EPHA6: variants seen among roughly 807,000 people sequenced by gnomAD.
The protein encoded by EPHA6 is EPH receptor A6, also known as ephrin type-A receptor 6.
Under a neutral mutation model 112.0 loss-of-function variants are expected in EPHA6, and 50 were observed. The observed-to-expected ratio is 0.45, with a 90% CI of 0.36 to 0.56. EPHA6 has a LOEUF of 0.56. Among genes scored for constraint, EPHA6 ranks in the 20% least tolerant of loss-of-function variants. The pLI is 0.00. For synonymous variants in EPHA6, 529 were observed against 490.7 expected (o/e 1.08, Z -1.03); for missense variants, 1,280 against 1,417.4 (o/e 0.90, Z 1.56).
chr3:97,536,878 G>A (rs1028509476), intron 11 of EPHA6, among the ~76,000 whole-genome samples: 11 of 152,244 alleles, frequency 7.2e-5, no homozygotes, highest in African/African-American at 2.6e-4. Context: ...AACGAAAAGT[G>A]TAAGTAAATT....
chr3:97,464,224 C>CT (rs1255961874), intron 7 of EPHA6, among the ~76,000 whole-genome samples: 4 of 152,084 alleles, frequency 2.6e-5, no homozygotes, highest in Admixed American at 6.6e-5. Context: ...GGTCAGGTCT[C>CT]TGTCGGTAAT....
Position 97,421,908 on chromosome 3 carries a change from T to C in EPHA6, c.1731+16634T>C, listed in dbSNP as rs114402971. ...GGTAATAGGTACTGGGTAATGTATA[T>C]TGGTAGAAAAAAAAAGAAACTAGAT... On this transcript the variant is annotated intron_variant, in intron 6 of 17. Coordinates refer to ENST00000389672, the MANE Select transcript of EPHA6 (RefSeq NM_001080448.3). 8.2e-3 allele frequency among the ~76,000 whole-genome samples: 1,249 copies of C among 151,586 alleles called. 21 individuals carry two copies. The highest frequency in any genetic ancestry group is 0.028 in the African/African-American group (1,162 of 41,224).
At chr3:96,978,268 G>T (rs1036838134) in intron 2 of EPHA6, among the ~76,000 whole-genome samples, 2 of 152,148 alleles carry the variant, frequency 1.3e-5, no homozygotes, top group African/African-American at 4.8e-5. Flanking sequence ...ATGTTGAGTA[G>T]GCTGAAGAGA....
rs879302767 is a variant in EPHA6, at chr3:97,009,949, C to T, written c.1114+21956C>T. The T allele has an allele frequency of 4.2e-5, 23 of 543,106 alleles. No individual in the cohort carries two copies. The East Asian group carries it at 1.1e-3, about 27-fold the overall frequency. 33.6% of individuals were successfully genotyped at this position (543,106 alleles called of 1,614,324 possible). On this transcript the variant is annotated intron_variant, in intron 3 of 17. Transcript: ENST00000389672. ...AATTTTGATGAGAGAACCTGGTTAC[C>T]TTGGTTGCCGTTGAAGGATTCACAT...
At chr3:97,576,593 A>G (rs1318335210) in intron 11 of EPHA6, among the ~76,000 whole-genome samples, 1 of 152,228 alleles carries the variant, frequency 6.6e-6, no homozygotes, top group African/African-American at 2.4e-5. Flanking sequence ...GATTCCATCC[A>G]GGCATGCCAG....
At chr3:97,243,711 T>C (rs1217524479) in intron 4 of EPHA6, among the ~76,000 whole-genome samples, 2 of 151,798 alleles carry the variant, frequency 1.3e-5, no homozygotes, top group African/African-American at 4.8e-5. Flanking sequence ...ATCCTGATTT[T>C]TATATTAAAT....
In EPHA6 at chr3:97,748,630, C is replaced by T. The variant is rs1394452957; in HGVS notation, c.3322C>T (p.Arg1108Ter). Residue 1108 changes from arginine (R) to a stop codon, truncating the protein, a stop_gained, in exon 18 of 18, where the codon CGA (arginine) becomes TGA (stop). Transcript: ENST00000389672. LOFTEE classifies it high-confidence loss of function. ...IGVILIGHQR[R>*]IVSSIQTLRL... ...AGTCATACTTATTGGACACCAGAGA[C>T]GAATAGTCAGCAGCATACAGACTTT... The T allele has an allele frequency of 6.8e-6, 11 of 1,612,118 alleles. No homozygotes were observed. The highest frequency in any genetic ancestry group is 2.2e-5 in the East Asian group (1 of 44,860).
intron 11 of EPHA6, among the ~76,000 whole-genome samples, chr3:97,585,509 G>A (rs2093479394): frequency 6.6e-6 from 1 of 152,076 alleles, no homozygotes; most frequent in Admixed American, 6.6e-5. Flanking sequence ...TAAAAATCTA[G>A]CCATGAAACT....
chr3:97,606,130 T>A (rs2093678670), intron 12 of EPHA6: 1 of 151,398 alleles, frequency 6.6e-6, no homozygotes, highest in Non-Finnish European at 1.5e-5. Flanking sequence ...ATTAGCGCTT[T>A]ATACTAATTG....
At position 97,353,618 on chromosome 3, in the gene EPHA6, C is replaced by T. The variant is rs553024816; in HGVS notation, c.1607-51532C>T. ...ATGTAGCTGAACTAGAATAAAGTCC[C>T]AAGTCGATCCCTAAGGTTTCCAACT... On this transcript the variant is annotated intron_variant, in intron 5 of 17. Coordinates refer to ENST00000389672, the MANE Select transcript of EPHA6 (RefSeq NM_001080448.3). Among the ~76,000 whole-genome samples, 47 of 152,226 alleles carry T rather than the reference C, an allele frequency of 3.1e-4. No homozygotes were observed. The South Asian group carries it at 9.3e-3, about 30-fold the overall frequency.
chr3:96,993,535 C>A (rs913211807), intron 3 of EPHA6, among the ~76,000 whole-genome samples: 2 of 152,028 alleles, frequency 1.3e-5, no homozygotes, highest in Admixed American at 6.6e-5. Flanking sequence ...TCCTGGCCCC[C>A]ACTATTCTTT....
chr3:97,305,464 A>G (rs1559866721), intron 5 of EPHA6, among the ~76,000 whole-genome samples: 1 of 152,034 alleles, frequency 6.6e-6, no homozygotes, highest in Admixed American at 6.6e-5. Flanking sequence ...CATGAAATCA[A>G]CCCAAATGCC....
intron 5 of EPHA6, among the ~76,000 whole-genome samples, chr3:97,379,984 C>T (rs922662445): frequency 3.3e-5 from 5 of 151,976 alleles, no homozygotes; most frequent in Admixed American, 3.3e-4. Context: ...ATTTGCAAAG[C>T]TCATCCAGGA....
chr3:97,379,129 C>T lies in EPHA6; in HGVS notation c.1607-26021C>T, dbSNP rs560502122. On this transcript the variant is annotated intron_variant, in intron 5 of 17. Coordinates refer to ENST00000389672, the MANE Select transcript of EPHA6 (RefSeq NM_001080448.3). Reference sequence around the variant, plus strand: ...TTTGAATCATGGGGGTGGCTTCCCCCATATTGTTGTCAAGGTAGTGAATAA... The same window carrying T: ...TTTGAATCATGGGGGTGGCTTCCCCTATATTGTTGTCAAGGTAGTGAATAA... Among the ~76,000 whole-genome samples, 6 of 152,206 alleles carry T rather than the reference C, an allele frequency of 3.9e-5. No homozygotes were observed. The South Asian group carries it at 1.2e-3, about 32-fold the overall frequency.
chr3:97,652,476 T>C (rs1304545716), intron 14 of EPHA6, among the ~76,000 whole-genome samples: 1 of 152,098 alleles, frequency 6.6e-6, no homozygotes, highest in Non-Finnish European at 1.5e-5. Flanking sequence ...ATGTCAGTTA[T>C]AGTTATACCA....
intron 3 of EPHA6, among the ~76,000 whole-genome samples, chr3:97,063,241 G>A (rs111468088): frequency 0.054 from 8,263 of 152,126 alleles, 751 homozygotes; most frequent in African/African-American, 0.19. Flanking sequence ...TTATAAAGAT[G>A]CATGCATGTG....
intron 14 of EPHA6, among the ~76,000 whole-genome samples, chr3:97,646,892 T>C (rs2094068908): frequency 6.6e-6 from 1 of 152,180 alleles, no homozygotes; most frequent in African/African-American, 2.4e-5. Flanking sequence ...AGTCTTGATA[T>C]GAATGCTCCA....
At chr3:97,507,964 T>C (rs1487483193) in intron 10 of EPHA6, among the ~76,000 whole-genome samples, 1 of 152,190 alleles carries the variant, frequency 6.6e-6, no homozygotes, top group African/African-American at 2.4e-5. Flanking sequence ...ATTTATAGTA[T>C]TCTCTGATGG....
rs184303789 is a variant in EPHA6 at position 97,515,176 on chromosome 3, A to G, written c.2201-17182A>G. ...AGAACCATACATTACTAATAACACT[A>G]CTATCCAATTCTCCAAATGTGCTCA... On this transcript the variant is annotated intron_variant, in intron 10 of 17. Transcript: ENST00000389672. Among the ~76,000 whole-genome samples the G allele has an allele frequency of 3.9e-3, 588 of 152,304 alleles. 6 individuals carry two copies. The highest frequency in any genetic ancestry group is 5.6e-3 in the Non-Finnish European group (378 of 68,032).
Sources: gnomAD v4.1 joint callset for allele counts (sites outside exome capture counted in the v4.1 genomes callset) on GRCh38, gnomAD v4.1.1 for gene constraint, MANE v1.5 for transcripts, NCBI Gene and HGNC (gene_info 2026-07-23, HGNC 2026-07-21) for gene names.